The following PAK5 variants were observed in gnomAD, a reference collection of about 807,000 sequenced individuals.
PAK5 encodes the protein serine/threonine-protein kinase PAK 5.
In PAK5, 16 loss-of-function variants were observed where a neutral mutation model predicts 65.9. The ratio of observed to expected loss-of-function variants is 0.24; its 90% CI spans 0.16 to 0.37. The LOEUF (loss-of-function observed/expected upper bound fraction) is 0.37. Ranked by LOEUF, PAK5 falls within the 10% of genes least tolerant of loss-of-function variation. The pLI is 1.00. For synonymous variants in PAK5, 371 were observed against 354.9 expected (o/e 1.05, Z -0.51); for missense variants, 785 against 903.9 (o/e 0.87, Z 1.69).
intron 1 of PAK5, among the ~76,000 whole-genome samples, chr20:9,745,594 T>A (rs897808767): frequency 4.6e-5 from 7 of 152,188 alleles, no homozygotes; most frequent in Non-Finnish European, 8.8e-5. Flanking sequence ...TTTTCATGCG[T>A]TGATCTTACA....
At chr20:9,749,737 C>T (rs6141026) in intron 1 of PAK5, among the ~76,000 whole-genome samples, 35,647 of 152,008 alleles carry the variant, frequency 0.23, 4,641 homozygotes, top group African/African-American at 0.35. Flanking sequence ...ACAAGGAATC[C>T]GCACAAGGAT....
At chr20:9,783,589 A>C (rs2048964214) in intron 1 of PAK5, among the ~76,000 whole-genome samples, 1 of 152,196 alleles carries the variant, frequency 6.6e-6, no homozygotes, top group Non-Finnish European at 1.5e-5. Flanking sequence ...CTTCACCCTC[A>C]GGAAAGGTGT....
intron 2 of PAK5, among the ~76,000 whole-genome samples, chr20:9,682,923 T>C (rs1411459568): frequency 6.6e-6 from 1 of 152,234 alleles, no homozygotes; most frequent in African/African-American, 2.4e-5. Flanking sequence ...TAGCTTTATA[T>C]ATTCTGTGAA....
At chr20:9,653,551 C>A (rs975267396) in intron 2 of PAK5, among the ~76,000 whole-genome samples, 1 of 152,194 alleles carries the variant, frequency 6.6e-6, no homozygotes, top group African/African-American at 2.4e-5. Flanking sequence ...TTGTGGAAGC[C>A]AGTTCTGAGA....
intron 1 of PAK5, among the ~76,000 whole-genome samples, chr20:9,831,571 G>A (rs1044723473): frequency 2.6e-5 from 4 of 152,234 alleles, no homozygotes; most frequent in African/African-American, 7.2e-5. Context: ...GCAGTGGTGC[G>A]ATCTTGGCTC....
intron 5 of PAK5, among the ~76,000 whole-genome samples, chr20:9,565,054 G>A (rs2045652203): frequency 2.0e-5 from 3 of 151,758 alleles, no homozygotes; most frequent in Middle Eastern, 3.5e-3. Context: ...TTTGATACAT[G>A]TATATGATAG....
chr20:9,695,361 T>G (rs920724888), intron 2 of PAK5, among the ~76,000 whole-genome samples: 1 of 152,098 alleles, frequency 6.6e-6, no homozygotes, highest in Non-Finnish European at 1.5e-5. Context: ...ACTTGTTAGT[T>G]TAGTCCAATT....
intron 4 of PAK5, among the ~76,000 whole-genome samples, chr20:9,573,407 C>T (rs2045826925): frequency 6.6e-6 from 1 of 152,154 alleles, no homozygotes; most frequent in African/African-American, 2.4e-5. Context: ...CAATCAATTT[C>T]ACCAGAGCTA....
chr20:9,787,760 G>C (rs994923269), intron 1 of PAK5, among the ~76,000 whole-genome samples: 43 of 152,028 alleles, frequency 2.8e-4, no homozygotes, highest in Non-Finnish European at 3.8e-4. Flanking sequence ...TAGATATGCA[G>C]TAGACACCAT....
At chr20:9,690,730 ATTTC>A (rs1194218960) in intron 2 of PAK5, among the ~76,000 whole-genome samples, 117 of 138,302 alleles carry the variant, frequency 8.5e-4, no homozygotes, top group African/African-American at 2.8e-3. Flanking sequence ...AGTCCTCAGC[ATTTC>A]TTTCTTTCTT....
chr20:9,733,930 T>C (rs1315618845), intron 1 of PAK5, among the ~76,000 whole-genome samples: 3 of 152,200 alleles, frequency 2.0e-5, no homozygotes, highest in Non-Finnish European at 4.4e-5. Context: ...CCAAACACAA[T>C]GATCTGTGTG....
chr20:9,557,809 C>A, intron 6 of PAK5, 75 bp from the exon 7 acceptor site: 2 of 1,271,654 alleles, frequency 1.6e-6, no homozygotes, highest in South Asian at 1.3e-5. Context: ...AGGCAGCTCC[C>A]TTGTGCTTTA....
At chr20:9,545,576 CT>C (rs111736829) in intron 7 of PAK5, among the ~76,000 whole-genome samples, 4 of 151,956 alleles carry the variant, frequency 2.6e-5, no homozygotes, top group African/African-American at 9.7e-5. Context: ...CTCTTCCAAC[CT>C]TTTTTTTCTG....
rs1017942955 is a variant in PAK5 at position 9,589,214 on chromosome 20, A to C, written c.205-8284T>G. ...AAGTATAAACAAAGATTCTCTCAGAACTTATGTACTTTTAAACTGTCTATC... is the reference window on the plus strand; with the variant it reads ...AAGTATAAACAAAGATTCTCTCAGACCTTATGTACTTTTAAACTGTCTATC... On this transcript the variant is annotated intron_variant, in intron 3 of 9. Transcript: ENST00000353224. Among the ~76,000 whole-genome samples, 24 of 152,326 alleles carry C rather than the reference A, an allele frequency of 1.6e-4. 1 individual carries two copies. Among genetic ancestry groups the C allele is most frequent in the Middle Eastern group, 6.8e-3 (2 of 292 alleles).
intron 1 of PAK5, among the ~76,000 whole-genome samples, chr20:9,811,660 A>G (rs2049299787): frequency 6.6e-6 from 1 of 152,188 alleles, no homozygotes; most frequent in Admixed American, 6.5e-5. Context: ...GTATGTATCT[A>G]TATATTCAAA....
intron 3 of PAK5, among the ~76,000 whole-genome samples, chr20:9,607,001 GA>G (rs1461624096): frequency 4.6e-5 from 7 of 152,114 alleles, no homozygotes; most frequent in Non-Finnish European, 7.3e-5. Flanking sequence ...ACTAAAATTT[GA>G]TATAAAAGAT....
In PAK5 at chr20:9,551,410, C is replaced by G. The variant is rs781749149; in HGVS notation, c.1743+6198G>C. On this transcript the variant is annotated intron_variant, in intron 7 of 9. Coordinates refer to ENST00000353224, the MANE Select transcript of PAK5 (RefSeq NM_177990.4). ...TGTTACACAAGGACCACACAAGGAA[C>G]TTTAGTTTAGAACTCAGACAAAGCT... Among the ~76,000 whole-genome samples the G allele has an allele frequency of 3.3e-5, 5 of 152,224 alleles. No homozygotes were observed. The South Asian group carries it at 6.2e-4, about 19-fold the overall frequency.
chr20:9,671,066 C>T (rs555728009), intron 2 of PAK5, among the ~76,000 whole-genome samples: 8 of 152,170 alleles, frequency 5.3e-5, no homozygotes, highest in East Asian at 3.9e-4. Flanking sequence ...TCAGGTTTGT[C>T]GAAGATCAGA....
chr20:9,740,561 T>C (rs916305535), intron 1 of PAK5, among the ~76,000 whole-genome samples: 2 of 152,234 alleles, frequency 1.3e-5, no homozygotes, highest in South Asian at 4.1e-4. Flanking sequence ...GTATTTGTCC[T>C]CTAAGACTAC....
Sources: gnomAD v4.1 joint callset for allele counts (sites outside exome capture counted in the v4.1 genomes callset) on GRCh38, gnomAD v4.1.1 for gene constraint, MANE v1.5 for transcripts, NCBI Gene and HGNC (gene_info 2026-07-23, HGNC 2026-07-21) for gene names.